The following ADAMTS6 variants were observed in gnomAD, a reference collection of about 807,000 sequenced individuals.
The protein encoded by ADAMTS6 is A disintegrin and metalloproteinase with thrombospondin motifs 6.
Under a neutral mutation model 144.3 loss-of-function variants are expected in ADAMTS6, and 23 were observed. The ratio of observed to expected loss-of-function variants is 0.16; its 90% confidence interval spans 0.11 to 0.23. The LOEUF (loss-of-function observed/expected upper bound fraction) is 0.23, where lower values mean the gene tolerates loss of function less well. ADAMTS6 is among the 10% of genes least tolerant of loss of function. The pLI is 1.00. For missense variants in ADAMTS6, 999 were observed against 1,379.6 expected, an observed-to-expected ratio of 0.72 and a Z score of 4.37; for synonymous variants, 444 against 457.5, an observed-to-expected ratio of 0.97 and a Z score of 0.38.
chr5:65,271,005 G>A (rs1015163335), intron 12 of ADAMTS6, among the ~76,000 whole-genome samples: 6 of 152,082 alleles, frequency 3.9e-5, no homozygotes, highest in Non-Finnish European at 7.4e-5. Context: ...GATTAACCTA[G>A]ATTAAGAAGG....
chr5:65,292,887 C>A (rs1742459430), intron 10 of ADAMTS6, among the ~76,000 whole-genome samples: 1 of 152,080 alleles, frequency 6.6e-6, no homozygotes, highest in Non-Finnish European at 1.5e-5. Context: ...TTTCACCCAG[C>A]TATCCAGTTT....
At chr5:65,383,578 T>C (rs1752225075) in intron 7 of ADAMTS6, among the ~76,000 whole-genome samples, 1 of 152,068 alleles carries the variant, frequency 6.6e-6, no homozygotes, top group African/African-American at 2.4e-5. Flanking sequence ...CAGGCAATCC[T>C]ACTCTCAAGG....
chr5:65,473,285 T>C (rs953593519), intron 2 of ADAMTS6, among the ~76,000 whole-genome samples: 4 of 152,250 alleles, frequency 2.6e-5, no homozygotes, highest in African/African-American at 9.6e-5. Flanking sequence ...ACTCTAGTAA[T>C]GAACAAGCTT....
intron 11 of ADAMTS6, among the ~76,000 whole-genome samples, chr5:65,284,709 T>C (rs1561376329): frequency 6.6e-6 from 1 of 152,118 alleles, no homozygotes; most frequent in Non-Finnish European, 1.5e-5. Context: ...ACTTTCAAGT[T>C]TGGTGATCTG....
At chr5:65,180,852 T>G (rs1754304931) in intron 22 of ADAMTS6, among the ~76,000 whole-genome samples, 1 of 152,222 alleles carries the variant, frequency 6.6e-6, no homozygotes, top group Non-Finnish European at 1.5e-5. Flanking sequence ...ATTTCCAATA[T>G]TCTCCAGTGC....
intron 11 of ADAMTS6, among the ~76,000 whole-genome samples, chr5:65,285,425 T>C (rs1156923754): frequency 6.6e-6 from 1 of 152,166 alleles, no homozygotes; most frequent in Non-Finnish European, 1.5e-5. Context: ...AGTTCCCATA[T>C]GCCAGGCATT....
In ADAMTS6 at chr5:65,194,313, C is replaced by G. The variant is rs557469712; in HGVS notation, c.2705+2709G>C. ...TTTCCTACCCTAGCAATATGAGGTA[C>G]AATAGTATCTCTAGATGTTGGGCAG... is the stretch of plus-strand genomic sequence containing the variant. On this transcript the variant is annotated intron_variant, in intron 21 of 24. Coordinates refer to ENST00000381055, the MANE Select transcript of ADAMTS6 (RefSeq NM_197941.4). 2.0e-5 allele frequency among the ~76,000 whole-genome samples: 3 copies of G among 152,274 alleles called. No individual in the cohort carries two copies. The South Asian group carries it at 6.2e-4, about 32-fold the overall frequency.
At chr5:65,268,435 C>T (rs2112630673) in intron 12 of ADAMTS6, among the ~76,000 whole-genome samples, 1 of 152,270 alleles carries the variant, frequency 6.6e-6, no homozygotes, top group Admixed American at 6.5e-5. Flanking sequence ...TGGCATTGCT[C>T]TGATTCCTGT....
At chr5:65,258,140 G>T (rs139059059) in intron 14 of ADAMTS6, among the ~76,000 whole-genome samples, 1 of 152,124 alleles carries the variant, frequency 6.6e-6, no homozygotes, top group Non-Finnish European at 1.5e-5. Flanking sequence ...ATAGAGTAGG[G>T]TAAGGAAGAT....
chr5:65,462,147 C>A lies in ADAMTS6; in HGVS notation c.463-1809G>T, dbSNP rs534575180. On this transcript the variant is annotated intron_variant, in intron 3 of 24. Transcript: ENST00000381055. ...TAACATAATATGCCATTAACATATT[C>A]TAATACCTCAGTATGAAGTACTTTA... Among the ~76,000 whole-genome samples, 23 of 152,300 alleles carry A rather than the reference C, an allele frequency of 1.5e-4. No individual in the cohort carries two copies. In the East Asian group the frequency reaches 4.4e-3, roughly 29 times the overall value.
intron 20 of ADAMTS6, among the ~76,000 whole-genome samples, chr5:65,206,819 T>TTCTC (rs1209937051): frequency 8.0e-6 from 1 of 124,430 alleles, no homozygotes; most frequent in Non-Finnish European, 1.7e-5. Context: ...GCTGTTTTTT[T>TTCTC]TCTCTCTCTC....
At chr5:65,330,938 T>G (rs1746660415) in intron 8 of ADAMTS6, among the ~76,000 whole-genome samples, 1 of 152,090 alleles carries the variant, frequency 6.6e-6, no homozygotes, top group Non-Finnish European at 1.5e-5. Context: ...ATTTAATATT[T>G]GTTTAAATAT....
intron 22 of ADAMTS6, among the ~76,000 whole-genome samples, chr5:65,180,163 T>C (rs902256560): frequency 1.3e-5 from 2 of 152,196 alleles, no homozygotes; most frequent in East Asian, 1.9e-4. Context: ...GGGGCAATCT[T>C]TGAGCCTGGA....
At chr5:65,219,076 G>A (rs1008743130) in intron 18 of ADAMTS6, among the ~76,000 whole-genome samples, 5 of 151,670 alleles carry the variant, frequency 3.3e-5, no homozygotes, top group African/African-American at 4.8e-5. Flanking sequence ...AGGATTAAAC[G>A]GAAAAAAAAC....
At chr5:65,174,407 C>G (rs893228802) in intron 22 of ADAMTS6, among the ~76,000 whole-genome samples, 1 of 152,198 alleles carries the variant, frequency 6.6e-6, no homozygotes. Context: ...CTCCAGCCAG[C>G]TTGGCCGATG....
At chr5:65,220,673 G>A (rs1321468652) in intron 18 of ADAMTS6, among the ~76,000 whole-genome samples, 3 of 152,168 alleles carry the variant, frequency 2.0e-5, no homozygotes, top group Non-Finnish European at 1.5e-5. Flanking sequence ...CATGAACCTG[G>A]GAGGCGGTGC....
chr5:65,305,165 G>C (rs1312023912), intron 9 of ADAMTS6, among the ~76,000 whole-genome samples: 3 of 152,082 alleles, frequency 2.0e-5, no homozygotes, highest in Non-Finnish European at 4.4e-5. Context: ...AATAGAGAAA[G>C]ATAAAACAAG....
At chr5:65,285,784 A>G (rs1348601384) in intron 11 of ADAMTS6, among the ~76,000 whole-genome samples, 1 of 152,194 alleles carries the variant, frequency 6.6e-6, no homozygotes, top group Admixed American at 6.5e-5. Context: ...GTTGTTAGAA[A>G]AGGCCTCATT....
At chr5:65,432,181 T>C (rs1335304064) in intron 7 of ADAMTS6, among the ~76,000 whole-genome samples, 1 of 152,040 alleles carries the variant, frequency 6.6e-6, no homozygotes, top group Non-Finnish European at 1.5e-5. Flanking sequence ...ATAGCTGATT[T>C]AGTAGATATC....
Sources: allele counts gnomAD v4.1 joint callset (sites outside exome capture counted in the v4.1 genomes callset), GRCh38; gene constraint gnomAD v4.1.1; transcripts MANE v1.5; gene names NCBI Gene and HGNC (gene_info 2026-07-23, HGNC 2026-07-21).